Variants in MID1 observed in about 807,000 individuals in gnomAD.
MID1 encodes the protein midline 1.
Under a neutral mutation model 40.4 loss-of-function variants are expected in MID1, and 7 were observed. The ratio of observed to expected loss-of-function variants is 0.17; its 90% CI spans 0.10 to 0.33. The LOEUF (loss-of-function observed/expected upper bound fraction) is 0.33, where lower values mean the gene tolerates loss of function less well. MID1 is among the 10% of genes least tolerant of loss of function. The probability of loss-of-function intolerance (pLI) is 1.00; values close to 1 mark genes in which losing one functional copy is unlikely to be tolerated. For synonymous variants in MID1, 229 were observed against 221.2 expected (o/e 1.04, Z -0.31); for missense variants, 367 against 558.5 (o/e 0.66, Z 3.46).
At chrX:10,614,689 T>C (rs1935810693) in intron 1 of MID1, among the ~76,000 whole-genome samples, 1 of 111,802 alleles carries the variant, frequency 8.9e-6, no homozygotes, top group South Asian at 3.8e-4. Context: ...AGGACAGGCC[T>C]GGGGGAGATG....
chrX:10,596,498 CATTTT>C (rs1028031868), intron 1 of MID1, among the ~76,000 whole-genome samples: 4 of 111,674 alleles, frequency 3.6e-5, no homozygotes, highest in Non-Finnish European at 7.5e-5. Flanking sequence ...ATGTGATTTC[CATTTT>C]ATTTTATGAA....
At chrX:10,501,335 C>T (rs1035931389) in intron 3 of MID1, 48 of 978,192 alleles carry the variant, frequency 4.9e-5, no homozygotes, top group Non-Finnish European at 5.9e-5. Context: ...TCACATTAGC[C>T]CACCAGTATG....
rs192386383 is a variant in MID1 at position 10,668,247 on chromosome X, T to G, written c.-186-47828A>C. 3.2e-3 allele frequency among the ~76,000 whole-genome samples: 365 copies of G among 112,337 alleles called. 2 individuals carry two copies. The highest frequency in any genetic ancestry group is 0.011 in the African/African-American group (350 of 30,979). On this transcript the variant is annotated intron_variant, in intron 1 of 10. Coordinates refer to the MID1 transcript ENST00000380785. ...AGGCTTATGGGTGATCATTAAATCT[T>G]TATTAGGTTTTACATTATAAAATAA...
chrX:10,670,487 G>T (rs1488355925), intron 1 of MID1, among the ~76,000 whole-genome samples: 1 of 111,451 alleles, frequency 9.0e-6, no homozygotes, highest in Non-Finnish European at 1.9e-5. Flanking sequence ...TTCTTTTAAA[G>T]ACCCACCTAT....
At chrX:10,800,677 C>T (rs766340772) in intron 1 of MID1, among the ~76,000 whole-genome samples, 124 of 111,707 alleles carry the variant, frequency 1.1e-3, no homozygotes, top group African/African-American at 3.7e-3. Flanking sequence ...CTACATTATA[C>T]GTAGAAAATT....
intron 1 of MID1, among the ~76,000 whole-genome samples, chrX:10,584,081 T>C (rs1463764576): frequency 9.1e-6 from 1 of 109,782 alleles, no homozygotes; most frequent in Non-Finnish European, 1.9e-5. Flanking sequence ...GGTATCTCTG[T>C]TTCCAAAATG....
chrX:10,812,879 CTG>C (rs2044111651), intron 1 of MID1, among the ~76,000 whole-genome samples: 1 of 111,048 alleles, frequency 9.0e-6, no homozygotes, highest in African/African-American at 3.3e-5. Context: ...GCCACTCTCC[CTG>C]TGTGTTTTCC....
intron 1 of MID1, among the ~76,000 whole-genome samples, chrX:10,731,203 G>A (rs889624658): frequency 9.0e-6 from 1 of 111,502 alleles, no homozygotes; most frequent in Non-Finnish European, 1.9e-5. Context: ...TTGCCAAGCA[G>A]TAGGTCTAAT....
At chrX:10,556,148 T>C (rs1934112810) in intron 2 of MID1, among the ~76,000 whole-genome samples, 1 of 111,387 alleles carries the variant, frequency 9.0e-6, no homozygotes, top group African/African-American at 3.3e-5. Context: ...AGTCTAGGCT[T>C]ACTGTGTATC....
At chrX:10,682,740 T>C (rs1180524563) in intron 1 of MID1, among the ~76,000 whole-genome samples, 1 of 111,897 alleles carries the variant, frequency 8.9e-6, no homozygotes, top group Non-Finnish European at 1.9e-5. Flanking sequence ...TTTTCCCTGA[T>C]CATTAATATT....
chrX:10,458,278 T>G (rs1928806209), intron 8 of MID1, among the ~76,000 whole-genome samples: 1 of 112,428 alleles, frequency 8.9e-6, no homozygotes, highest in African/African-American at 3.2e-5. Context: ...TCTTATGTAC[T>G]TTTAGAATTA....
At chrX:10,501,334 C>T (rs993691859) in intron 3 of MID1, 217 of 979,541 alleles carry the variant, frequency 2.2e-4, no homozygotes, top group Admixed American at 8.2e-4. Flanking sequence ...ATCACATTAG[C>T]CCACCAGTAT....
chrX:10,807,922 T>G (rs1314613105), intron 1 of MID1, among the ~76,000 whole-genome samples: 3 of 112,299 alleles, frequency 2.7e-5, no homozygotes, highest in Admixed American at 1.9e-4. Flanking sequence ...TCTCCTAGGA[T>G]AGGGGAGGCC....
intron 9 of MID1, among the ~76,000 whole-genome samples, chrX:10,451,394 T>C (rs7885308): frequency 0.053 from 5,879 of 111,502 alleles, 363 homozygotes; most frequent in African/African-American, 0.18. Flanking sequence ...ACCTGCCTTG[T>C]GCTGTGGGCA....
intron 2 of MID1, among the ~76,000 whole-genome samples, chrX:10,530,778 T>A (rs1932943313): frequency 8.9e-6 from 1 of 111,903 alleles, no homozygotes. Context: ...TACTTCTACA[T>A]ACAGTGATAC....
rs780602030 is a variant in MID1, at chrX:10,502,964, A to T, written c.757-7273T>A. ...GGCATAACCATCCCATCTCACTCCA[A>T]AGGAAAAACATTGGAGGAGTTAATT... On this transcript the variant is annotated intron_variant, in intron 3 of 9. Coordinates refer to ENST00000317552, the MANE Select transcript of MID1 (RefSeq NM_000381.4). Among the ~76,000 whole-genome samples the T allele has an allele frequency of 5.4e-5, 6 of 112,118 alleles. No homozygotes were observed. The East Asian group carries it at 1.4e-3, about 26-fold the overall frequency.
At chrX:10,756,586 C>T (rs903767240) in intron 1 of MID1, among the ~76,000 whole-genome samples, 2 of 111,519 alleles carry the variant, frequency 1.8e-5, no homozygotes, top group East Asian at 2.8e-4. Flanking sequence ...CACACAAGCT[C>T]GGGTCAAGGC....
chrX:10,728,535 G>C (rs375373622), intron 1 of MID1, among the ~76,000 whole-genome samples: 2 of 112,175 alleles, frequency 1.8e-5, no homozygotes, highest in African/African-American at 6.5e-5. Context: ...ATATTAATAG[G>C]CTACTTTTTT....
chrX:10,607,580 T>C (rs1420475952), intron 1 of MID1, among the ~76,000 whole-genome samples: 1 of 112,676 alleles, frequency 8.9e-6, no homozygotes, highest in African/African-American at 3.2e-5. Context: ...ATATGTATGT[T>C]TGTAGATTTA....
Sources: gnomAD v4.1 joint callset for allele counts (sites outside exome capture counted in the v4.1 genomes callset) on GRCh38, gnomAD v4.1.1 for gene constraint, MANE v1.5 for transcripts, NCBI Gene and HGNC (gene_info 2026-07-23, HGNC 2026-07-21) for gene names.